XKR6: variants seen among roughly 807,000 people sequenced by gnomAD.
The protein encoded by XKR6 is XK related 6, also known as XK-related protein 6.
XKR6 carries 22 observed loss-of-function variants against 56.7 expected under a neutral mutation model. That is an observed-to-expected ratio of 0.39 (90% confidence interval 0.28 to 0.55). XKR6 has a LOEUF of 0.55. Among genes scored for constraint, XKR6 ranks in the 20% least tolerant of loss-of-function variants. The probability of loss-of-function intolerance (pLI) is 0.66; values close to 1 mark genes in which losing one functional copy is unlikely to be tolerated. For missense variants in XKR6, 852 were observed against 889.0 expected, an observed-to-expected ratio of 0.96 and a Z score of 0.53; for synonymous variants, 524 against 387.8, an observed-to-expected ratio of 1.35 and a Z score of -4.13.
At chr8:10,957,135 C>T (rs1307050286) in intron 1 of XKR6, among the ~76,000 whole-genome samples, 1 of 151,928 alleles carries the variant, frequency 6.6e-6, no homozygotes, top group Non-Finnish European at 1.5e-5. Context: ...ATTTTTAGTA[C>T]AGATTGGGTT....
chr8:11,049,099 C>A (rs1438724215), intron 1 of XKR6, among the ~76,000 whole-genome samples: 1 of 152,180 alleles, frequency 6.6e-6, no homozygotes, highest in Non-Finnish European at 1.5e-5. Context: ...AGAAGCTTTT[C>A]TGGGGAGGAA....
chr8:11,085,694 G>A (rs1158625044), intron 1 of XKR6, among the ~76,000 whole-genome samples: 1 of 152,060 alleles, frequency 6.6e-6, no homozygotes, highest in Non-Finnish European at 1.5e-5. Flanking sequence ...GGTCAGCATC[G>A]GGCAGGCCTC....
intron 1 of XKR6, among the ~76,000 whole-genome samples, chr8:11,010,236 A>T (rs1798469075): frequency 6.6e-6 from 1 of 152,220 alleles, no homozygotes; most frequent in Non-Finnish European, 1.5e-5. Context: ...TGCTATCACA[A>T]GACTGGCAAG....
In XKR6 at chr8:11,190,014, G is replaced by A. The variant is rs549125767; in HGVS notation, c.764+10562C>T. On this transcript the variant is annotated intron_variant, in intron 1 of 2. Transcript: ENST00000416569. Reference sequence around the variant, plus strand: ...TCTACTAAAAGTACAAAAATTAGACGGGTATGGTGGCTCATGCCTGTAATC... The same window carrying A: ...TCTACTAAAAGTACAAAAATTAGACAGGTATGGTGGCTCATGCCTGTAATC... 5.4e-4 allele frequency among the ~76,000 whole-genome samples: 82 copies of A among 152,214 alleles called. 1 individual carries two copies. The highest frequency in any genetic ancestry group is 1.9e-3 in the African/African-American group (79 of 41,538).
At chr8:10,911,875 G>C (rs1343956066) in intron 2 of XKR6, among the ~76,000 whole-genome samples, 1 of 150,384 alleles carries the variant, frequency 6.6e-6, no homozygotes, top group African/African-American at 2.4e-5. Context: ...TGTATATATA[G>C]AAGGTGTGTA....
intron 1 of XKR6, among the ~76,000 whole-genome samples, chr8:11,054,507 A>C (rs1237168845): frequency 6.6e-6 from 1 of 152,244 alleles, no homozygotes; most frequent in East Asian, 1.9e-4. Flanking sequence ...GGGTGGGCAC[A>C]GAGTCCTGCA....
At chr8:11,129,286 GTGAGAAAATACC>G (rs1799984830) in intron 1 of XKR6, among the ~76,000 whole-genome samples, 1 of 152,180 alleles carries the variant, frequency 6.6e-6, no homozygotes, top group African/African-American at 2.4e-5. Flanking sequence ...GGCTATTTCT[GTGAGAAAATACC>G]TAATACCCCT....
chr8:11,035,096 G>T, intron 1 of XKR6: 1 of 445,018 alleles, frequency 2.2e-6, no homozygotes, highest in Non-Finnish European at 4.7e-6. Context: ...TCTGTAAAAT[G>T]GGGATGATGA....
In XKR6 at chr8:11,075,829, C is replaced by T. The variant is rs537779798; in HGVS notation, c.764+124747G>A. On this transcript the variant is annotated intron_variant, in intron 1 of 2. Coordinates refer to ENST00000416569, the MANE Select transcript of XKR6 (RefSeq NM_173683.4). ...CAGAGGTTGCAGTGAGCTGAGATCA[C>T]ACCATTGCACTCCAGCCTGGGCAAC... Among the ~76,000 whole-genome samples the T allele has an allele frequency of 6.7e-4, 102 of 152,222 alleles. 1 individual carries two copies. The highest frequency in any genetic ancestry group is 2.3e-3 in the African/African-American group (96 of 41,534).
intron 2 of XKR6, among the ~76,000 whole-genome samples, chr8:10,918,223 T>A (rs764780509): frequency 1.2e-4 from 18 of 152,190 alleles, no homozygotes; most frequent in Non-Finnish European, 2.6e-4. Flanking sequence ...CCTAGACCCA[T>A]CCCCTTGCCT....
intron 1 of XKR6, among the ~76,000 whole-genome samples, chr8:10,984,544 G>A (rs1199817714): frequency 6.6e-6 from 1 of 151,694 alleles, no homozygotes; most frequent in African/African-American, 2.4e-5. Flanking sequence ...TTGTTTTCAG[G>A]GGAAAGAGTC....
intron 1 of XKR6, among the ~76,000 whole-genome samples, chr8:10,996,144 T>G (rs1360940519): frequency 1.3e-5 from 2 of 152,250 alleles, no homozygotes; most frequent in African/African-American, 2.4e-5. Context: ...CAGTAATCAT[T>G]ATCTGTTACC....
At chr8:11,042,825 A>T (rs963194555) in intron 1 of XKR6, among the ~76,000 whole-genome samples, 1 of 152,212 alleles carries the variant, frequency 6.6e-6, no homozygotes, top group Non-Finnish European at 1.5e-5. Context: ...GGACCCTTCC[A>T]TGGCCCCTGC....
At chr8:11,007,106 T>G (rs1208786337) in intron 1 of XKR6, among the ~76,000 whole-genome samples, 1 of 152,196 alleles carries the variant, frequency 6.6e-6, no homozygotes, top group Admixed American at 6.5e-5. Flanking sequence ...TCTTGTTGTA[T>G]CTGTCTTCTT....
At chr8:11,004,255 T>G (rs896397740) in intron 1 of XKR6, among the ~76,000 whole-genome samples, 5 of 152,108 alleles carry the variant, frequency 3.3e-5, no homozygotes, top group African/African-American at 1.2e-4. Context: ...AGGTGGATCA[T>G]GAGGTCAGGA....
At chr8:11,116,662 C>A (rs1003712372) in intron 1 of XKR6, among the ~76,000 whole-genome samples, 2 of 152,182 alleles carry the variant, frequency 1.3e-5, no homozygotes, top group Non-Finnish European at 2.9e-5. Flanking sequence ...GGAGCCACTA[C>A]ACCAGGCCTA....
intron 1 of XKR6, among the ~76,000 whole-genome samples, chr8:10,992,917 G>C (rs1040932775): frequency 1.2e-4 from 19 of 152,200 alleles, no homozygotes; most frequent in African/African-American, 4.6e-4. Flanking sequence ...GCCGAGCTGA[G>C]GTGGCAAACT....
intron 1 of XKR6, among the ~76,000 whole-genome samples, chr8:10,966,289 C>G (rs979754612): frequency 3.3e-5 from 5 of 152,080 alleles, no homozygotes; most frequent in Non-Finnish European, 7.4e-5. Flanking sequence ...CATGGACCAC[C>G]CTTGGGAGCC....
intron 1 of XKR6, among the ~76,000 whole-genome samples, chr8:10,947,034 A>T (rs1801572686): frequency 6.6e-6 from 1 of 152,146 alleles, no homozygotes; most frequent in East Asian, 1.9e-4. Flanking sequence ...GCACAGATGC[A>T]TGCAGGAGGC....
Sources: allele counts gnomAD v4.1 joint callset (sites outside exome capture counted in the v4.1 genomes callset), GRCh38; gene constraint gnomAD v4.1.1; transcripts MANE v1.5; gene names NCBI Gene and HGNC (gene_info 2026-07-23, HGNC 2026-07-21).